VWA3B: variants seen among roughly 807,000 people sequenced by gnomAD.
The protein encoded by VWA3B is von Willebrand factor A domain containing 3B.
A neutral mutation model predicts 158.3 loss-of-function variants in VWA3B; 138 were observed. The observed-to-expected ratio is 0.87, with a 90% CI of 0.76 to 1.00. The LOEUF (loss-of-function observed/expected upper bound fraction) is 1.00. VWA3B is among the 50% of genes least tolerant of loss of function. The pLI is 0.00. For synonymous variants in VWA3B, 596 were observed against 587.3 expected (o/e 1.01, Z -0.21); for missense variants, 1,555 against 1,565.1 (o/e 0.99, Z 0.11).
chr2:98,250,298 C>T lies in VWA3B; in HGVS notation c.2674-20C>T. On this transcript the variant is annotated intron_variant, in intron 19 of 27. Coordinates refer to ENST00000477737, the MANE Select transcript of VWA3B (RefSeq NM_144992.5). ...AACCTATCAAGTGACACTTTCCTTTCCTTTGCCATTGACATGCAGGTGTTC... is the reference window on the plus strand; with the variant it reads ...AACCTATCAAGTGACACTTTCCTTTTCTTTGCCATTGACATGCAGGTGTTC... The T allele has an allele frequency of 6.3e-7, 1 of 1,594,992 alleles. No homozygotes were observed. The highest frequency in any genetic ancestry group is 1.4e-5 in the African/African-American group (1 of 73,878).
At chr2:98,120,936 G>A (rs573616893) in intron 4 of VWA3B, among the ~76,000 whole-genome samples, 10 of 152,248 alleles carry the variant, frequency 6.6e-5, no homozygotes, top group Admixed American at 3.9e-4. Context: ...CCTTAATACT[G>A]TGAATTATTA....
Position 98,303,186 on chromosome 2 carries a change from C to G in VWA3B, c.3421-516C>G, listed in dbSNP as rs186239872. Among the ~76,000 whole-genome samples, 305 of 152,034 alleles carry G rather than the reference C, an allele frequency of 2.0e-3. 1 individual carries two copies. Among genetic ancestry groups the G allele is most frequent in the African/African-American group, 7.1e-3 (294 of 41,476 alleles). ...TGGCCCAGGACCCCTGAGGGGAAGC[C>G]GCAGACCCCAGAAAAGGACCTTGAA... On this transcript the variant is annotated intron_variant, in intron 25 of 27. Transcript: ENST00000477737.
At chr2:98,250,947 A>AATAC (rs1169680933) in intron 20 of VWA3B, among the ~76,000 whole-genome samples, 1 of 150,238 alleles carries the variant, frequency 6.7e-6, no homozygotes, top group African/African-American at 2.5e-5. Flanking sequence ...TAAATAAATA[A>AATAC]ATACAGGCTG....
intron 19 of VWA3B, among the ~76,000 whole-genome samples, chr2:98,248,619 G>A (rs1454456654): frequency 6.6e-6 from 1 of 152,148 alleles, no homozygotes; most frequent in Non-Finnish European, 1.5e-5. Flanking sequence ...CATTGAGCCT[G>A]ACATAGGCCT....
At chr2:98,186,408 G>A (rs544502322) in intron 9 of VWA3B, among the ~76,000 whole-genome samples, 61 of 151,848 alleles carry the variant, frequency 4.0e-4, no homozygotes, top group African/African-American at 1.2e-3. Flanking sequence ...CCAGCCCCGC[G>A]GCCTACCCTG....
chr2:98,329,727 C>T, the VWA3B span, among the ~76,000 whole-genome samples: 53 of 152,200 alleles, frequency 3.5e-4, no homozygotes, highest in African/African-American at 1.1e-3. Flanking sequence ...GGTCAGTTGA[C>T]GTTAAACAAG....
At chr2:98,131,938 C>T (rs1268068518) in intron 6 of VWA3B, among the ~76,000 whole-genome samples, 1 of 152,224 alleles carries the variant, frequency 6.6e-6, no homozygotes, top group Non-Finnish European at 1.5e-5. Context: ...TGTGGCTGCT[C>T]TTACGGCACT....
intron 11 of VWA3B, among the ~76,000 whole-genome samples, chr2:98,194,044 T>C (rs753958321): frequency 5.3e-5 from 8 of 152,246 alleles, no homozygotes; most frequent in African/African-American, 1.2e-4. Context: ...TGTGCTTATT[T>C]GGTATATCCT....
At chr2:98,182,038 A>G (rs1488912425) in intron 9 of VWA3B, among the ~76,000 whole-genome samples, 1 of 152,248 alleles carries the variant, frequency 6.6e-6, no homozygotes, top group Non-Finnish European at 1.5e-5. Flanking sequence ...CAGATTTGCA[A>G]AACCAAAGGC....
At chr2:98,196,363 C>T (rs578062759) in intron 12 of VWA3B, among the ~76,000 whole-genome samples, 27 of 152,228 alleles carry the variant, frequency 1.8e-4, no homozygotes, top group Non-Finnish European at 3.8e-4. Flanking sequence ...CAAAACATTA[C>T]ATTGTATACC....
At chr2:98,157,232 C>T (rs1678161953) in intron 7 of VWA3B, among the ~76,000 whole-genome samples, 1 of 152,126 alleles carries the variant, frequency 6.6e-6, no homozygotes, top group Non-Finnish European at 1.5e-5. Context: ...TGAAACATAT[C>T]TATTCATTGC....
At chr2:98,250,531 T>C in intron 20 of VWA3B, 95 bp downstream of exon 20, 1 of 950,698 alleles carries the variant, frequency 1.1e-6, no homozygotes, top group Non-Finnish European at 1.5e-6. Context: ...TTTTTTTTTT[T>C]AATGAAGCAG....
At chr2:98,126,243 A>G (rs956132452) in intron 5 of VWA3B, among the ~76,000 whole-genome samples, 1 of 152,246 alleles carries the variant, frequency 6.6e-6, no homozygotes. Context: ...TTTCTGCACA[A>G]GAACTTCAGG....
intron 5 of VWA3B, among the ~76,000 whole-genome samples, chr2:98,123,623 G>A (rs945780041): frequency 1.3e-5 from 2 of 152,324 alleles, no homozygotes; most frequent in Admixed American, 6.5e-5. Flanking sequence ...AATTACTGTT[G>A]TGTCTCATGA....
At chr2:98,291,963 G>A (rs991209681) in intron 23 of VWA3B, 1 of 152,048 alleles carries the variant, frequency 6.6e-6, no homozygotes, top group Non-Finnish European at 1.5e-5. Context: ...TACATTGCAG[G>A]GCGGGTGTGG....
intron 8 of VWA3B, among the ~76,000 whole-genome samples, chr2:98,172,451 G>T (rs1347364413): frequency 6.6e-6 from 1 of 152,224 alleles, no homozygotes; most frequent in Non-Finnish European, 1.5e-5. Context: ...ATGTCCAGCT[G>T]CTTCTGTCTC....
intron 21 of VWA3B, among the ~76,000 whole-genome samples, chr2:98,269,125 A>AT (rs1688046682): frequency 1.3e-5 from 2 of 152,012 alleles, no homozygotes; most frequent in East Asian, 1.9e-4. Context: ...TTTTCCCTAC[A>AT]TTTTTTATGC....
chr2:98,323,135 A>G, the VWA3B span, among the ~76,000 whole-genome samples: 1 of 152,190 alleles, frequency 6.6e-6, no homozygotes, highest in African/African-American at 2.4e-5. Flanking sequence ...ACAAACATTC[A>G]ATAAAAATTT....
At position 98,298,590 on chromosome 2, in the gene VWA3B, G is replaced by A. The variant is rs578208432; in HGVS notation, c.3282+559G>A. On this transcript the variant is annotated intron_variant, in intron 24 of 27. Transcript: ENST00000477737. ...ACGGTGATACCGTAATGCACAGTTA[G>A]CCCAAATGTGCATTCCATAGATGTG... 5.3e-5 allele frequency among the ~76,000 whole-genome samples: 8 copies of A among 152,296 alleles called. No individual in the cohort carries two copies. The East Asian group carries it at 1.5e-3, about 29-fold the overall frequency.
Sources: gnomAD v4.1 joint callset for allele counts (sites outside exome capture counted in the v4.1 genomes callset) on GRCh38, gnomAD v4.1.1 for gene constraint, MANE v1.5 for transcripts, NCBI Gene and HGNC (gene_info 2026-07-23, HGNC 2026-07-21) for gene names.